Variants in LRRFIP2 observed in about 807,000 individuals in gnomAD.
The protein encoded by LRRFIP2 is leucine-rich repeat flightless-interacting protein 2.
LRRFIP2 carries 109 observed loss-of-function variants against 125.9 expected under a neutral mutation model. The observed-to-expected ratio is 0.87, with a 90% CI of 0.74 to 1.01. The LOEUF is 1.01. LRRFIP2 is among the 50% of genes least tolerant of loss of function. The pLI is 0.00. For missense variants in LRRFIP2, 850 were observed against 862.3 expected, an observed-to-expected ratio of 0.99 and a Z score of 0.18; for synonymous variants, 291 against 293.1, an observed-to-expected ratio of 0.99 and a Z score of 0.07.
intron 15 of LRRFIP2, among the ~76,000 whole-genome samples, chr3:37,097,767 T>G (rs533995621): frequency 5.9e-5 from 9 of 152,284 alleles, no homozygotes; most frequent in Admixed American, 2.6e-4. Flanking sequence ...AAAAAGAAAT[T>G]CAGAGGTGAC....
chr3:37,126,544 A>T (rs967403056), intron 4 of LRRFIP2, among the ~76,000 whole-genome samples: 1 of 151,712 alleles, frequency 6.6e-6, no homozygotes, highest in Non-Finnish European at 1.5e-5. Flanking sequence ...AAACTATACA[A>T]ATTTCACAGA....
At position 37,058,868 on chromosome 3, in the gene LRRFIP2, A is replaced by C. The variant is rs58970254; in HGVS notation, c.1792T>G (p.Cys598Gly). The change falls in exon 25 of 28, where the codon TGC becomes GGC. Residue 598 changes from cysteine (C) to glycine (G), a missense_variant. By Grantham distance (159) the Cys-to-Gly change is radical. Transcript: ENST00000336686. ...KLQLEEERQKCSRNDGTVGDL... is the reference protein window; with the variant it reads ...KLQLEEERQKGSRNDGTVGDL... ...CCCACTGTGCCATCATTCCTGGAGCATTTCTGTCGTTCCTCCTCTAACTGA... is the reference window on the plus strand; with the variant it reads ...CCCACTGTGCCATCATTCCTGGAGCCTTTCTGTCGTTCCTCCTCTAACTGA... 3,533 of 1,613,918 alleles carry C rather than the reference A, an allele frequency of 2.2e-3. 53 individuals carry two copies. The African/African-American group carries it at 0.041, about 19-fold the overall frequency.
In LRRFIP2 at chr3:37,065,844, A is replaced by G; in HGVS notation, c.1665T>C (p.Ala555=). The G allele has an allele frequency of 1.9e-6, 3 of 1,614,176 alleles. No homozygotes were observed. The highest frequency in any genetic ancestry group is 1.7e-5 in the Admixed American group (1 of 60,016). ...CTTCTCCTGCTGACTCCAAGACCTG[A>G]GCAGCTTCCTGAGACACAACAGTGA... ...GAITVVSQEA[A]QVLESAGEGP... The change falls in exon 23 of 28, where the codon GCT becomes GCC. Residue 555 remains alanine (A), a synonymous_variant. Coordinates refer to ENST00000336686, the MANE Select transcript of LRRFIP2 (RefSeq NM_006309.4).
chr3:37,065,965 A>G (rs1444115917), intron 22 of LRRFIP2, 23 bp from the exon 23 acceptor site: 1 of 1,613,968 alleles, frequency 6.2e-7, no homozygotes, highest in African/African-American at 1.3e-5. Flanking sequence ...AAAACCCACC[A>G]TCACAAAAGG....
rs775236256 is a variant in LRRFIP2 at position 37,055,086 on chromosome 3, A to G, written c.1950T>C (p.Ser650=). The G allele has an allele frequency of 3.8e-6, 6 of 1,582,484 alleles. No homozygotes were observed. The highest frequency in any genetic ancestry group is 1.1e-5 in the South Asian group (1 of 87,876). The change falls in exon 26 of 28, where the codon AGT becomes AGC. Residue 650 remains serine, a splice_region_variant and synonymous_variant. Coordinates refer to ENST00000336686, the MANE Select transcript of LRRFIP2 (RefSeq NM_006309.4). ...CTTAGTACCATATAGAAGTACTTAC[A>G]CTTTGCTCCAAGGTAGTTATATCCT... The part of the protein sequence containing the change: ...AEQDITTLEQ[S]ISRLEGQVLR...
At chr3:37,082,723 A>G (rs375999178) in intron 19 of LRRFIP2, among the ~76,000 whole-genome samples, 200 of 152,234 alleles carry the variant, frequency 1.3e-3, no homozygotes, top group African/African-American at 4.5e-3. Flanking sequence ...CCTGGCAAAC[A>G]CTTTCTAACA....
chr3:37,100,062 G>A (rs2149291508), intron 15 of LRRFIP2, among the ~76,000 whole-genome samples: 1 of 152,208 alleles, frequency 6.6e-6, no homozygotes, highest in Non-Finnish European at 1.5e-5. Flanking sequence ...TTGGACTACA[G>A]CATACCCTTA....
At chr3:37,104,276 A>T (rs551915658) in intron 14 of LRRFIP2, among the ~76,000 whole-genome samples, 1 of 152,328 alleles carries the variant, frequency 6.6e-6, no homozygotes, top group Non-Finnish European at 1.5e-5. Flanking sequence ...ACAAATAAAG[A>T]CACTGCCATT....
At chr3:37,125,762 T>C (rs2095249124) in intron 4 of LRRFIP2, among the ~76,000 whole-genome samples, 1 of 152,136 alleles carries the variant, frequency 6.6e-6, no homozygotes, top group Non-Finnish European at 1.5e-5. Flanking sequence ...AAAATTTCCT[T>C]CCTTCTAGTA....
intron 2 of LRRFIP2, among the ~76,000 whole-genome samples, chr3:37,132,750 A>T (rs188821907): frequency 7.9e-4 from 120 of 152,354 alleles, no homozygotes; most frequent in Admixed American, 1.7e-3. Flanking sequence ...GATATATTTT[A>T]AAATTATTTT....
intron 18 of LRRFIP2, among the ~76,000 whole-genome samples, chr3:37,089,308 C>T (rs978826631): frequency 7.2e-5 from 11 of 151,912 alleles, no homozygotes; most frequent in African/African-American, 2.4e-4. Flanking sequence ...AATATATATA[C>T]ACATATATAC....
chr3:37,091,411 A>G (rs1008758764), intron 18 of LRRFIP2, 56 bp downstream of exon 18: 6 of 1,435,434 alleles, frequency 4.2e-6, no homozygotes, highest in Middle Eastern at 1.8e-4. Context: ...CAAAGCCACC[A>G]TTGCCAACAC....
intron 15 of LRRFIP2, among the ~76,000 whole-genome samples, chr3:37,100,375 CATGT>C (rs1278938807): frequency 2.8e-5 from 4 of 143,102 alleles, no homozygotes; most frequent in Admixed American, 2.7e-4. Flanking sequence ...TACATACATA[CATGT>C]ATACATACAT....
At chr3:37,058,170 G>A (rs1559638072) in intron 25 of LRRFIP2, among the ~76,000 whole-genome samples, 1 of 152,162 alleles carries the variant, frequency 6.6e-6, no homozygotes, top group Non-Finnish European at 1.5e-5. Flanking sequence ...ATGTGGAAAA[G>A]GACAGTGCCA....
intron 16 of LRRFIP2, among the ~76,000 whole-genome samples, chr3:37,096,256 A>C (rs180872585): frequency 6.6e-6 from 1 of 152,302 alleles, no homozygotes; most frequent in African/African-American, 2.4e-5. Context: ...TTCAAGAAAC[A>C]ATTTATATAT....
chr3:37,076,113 G>C (rs1431469387), intron 19 of LRRFIP2, among the ~76,000 whole-genome samples: 1 of 152,088 alleles, frequency 6.6e-6, no homozygotes, highest in East Asian at 1.9e-4. Context: ...GAAGGGAAGG[G>C]AGAACAAACT....
intron 15 of LRRFIP2, among the ~76,000 whole-genome samples, chr3:37,099,996 G>A (rs2093931477): frequency 6.6e-6 from 1 of 151,986 alleles, no homozygotes; most frequent in Non-Finnish European, 1.5e-5. Context: ...TTGAAAGTGG[G>A]AGGGGAGGGA....
intron 6 of LRRFIP2, among the ~76,000 whole-genome samples, chr3:37,117,806 T>C (rs1171590939): frequency 3.3e-5 from 5 of 152,180 alleles, no homozygotes; most frequent in Admixed American, 6.5e-5. Flanking sequence ...TGCATAACAC[T>C]AATACCACAC....
At position 37,102,909 on chromosome 3, in the gene LRRFIP2, A is replaced by G. The variant is rs1393586670; in HGVS notation, c.873+15T>C. 1.3e-6 allele frequency: 2 copies of G among 1,534,806 alleles called. No individual in the cohort carries two copies. The highest frequency in any genetic ancestry group is 1.8e-6 in the Non-Finnish European group (2 of 1,133,244). ...CTGGGACAACATAACCAACCACCCCATGCAATACACTCACGCTGGACAAAT... is the reference window on the plus strand; with the variant it reads ...CTGGGACAACATAACCAACCACCCCGTGCAATACACTCACGCTGGACAAAT... On this transcript the variant is annotated intron_variant, in intron 15 of 27. Coordinates refer to ENST00000336686, the MANE Select transcript of LRRFIP2 (RefSeq NM_006309.4).
Sources: gnomAD v4.1 joint callset for allele counts (sites outside exome capture counted in the v4.1 genomes callset) on GRCh38, gnomAD v4.1.1 for gene constraint, MANE v1.5 for transcripts, NCBI Gene and HGNC (gene_info 2026-07-23, HGNC 2026-07-21) for gene names.